ITGB4: variants seen among roughly 807,000 people sequenced by gnomAD.
The protein encoded by ITGB4 is integrin subunit beta 4.
A neutral mutation model predicts 207.6 loss-of-function variants in ITGB4; 159 were observed. That is an observed-to-expected ratio of 0.77 (90% CI 0.67 to 0.87). ITGB4 has a LOEUF of 0.87. ITGB4 is among the 40% of genes least tolerant of loss of function. The pLI, the probability that ITGB4 is intolerant of heterozygous loss-of-function variation, is 0.00. For missense variants in ITGB4, 2,278 were observed against 2,546.8 expected (o/e 0.89, Z 2.27); for synonymous variants, 1,020 against 1,062.7 (o/e 0.96, Z 0.78).
Position 75,729,166 on chromosome 17 carries a change from A to AG in ITGB4, c.567-99_567-98insG, listed in dbSNP as rs1294162888. ...AAAGCGAGACTTGGTCTCAAAAAAA[A>AG]AAAAAAAAATTCTCCTTCTAGTTGA... On this transcript the variant is annotated intron_variant, in intron 6 of 39. Coordinates refer to ENST00000200181, the MANE Select transcript of ITGB4 (RefSeq NM_000213.5). This position sits in a 1 kb window ranked among gnomAD's most constrained non-coding sequence, Gnocchi z 4.4. 2,897 of 1,222,492 alleles carry AG rather than the reference A, an allele frequency of 2.4e-3. 32 individuals are homozygous for AG. The highest frequency in any genetic ancestry group is 0.023 in the African/African-American group (1,465 of 64,978). The allele number at this position is 1,222,492 out of a possible 1,614,324, so 75.7% of individuals were successfully genotyped here. A position where few individuals can be genotyped will look rare whatever the true frequency, so the allele number is the denominator to read the frequency against.
chr17:75,749,039 G>A lies in ITGB4; in HGVS notation c.3310G>A (p.Asp1104Asn). ...QPHSTTIIIRDPDELDRSFTS... is the reference protein window; with the variant it reads ...QPHSTTIIIRNPDELDRSFTS... The stretch of plus-strand genomic sequence containing the variant: ...CCACTCCACCACCATCATCATCAGG[G>A]ACCCAGGTAGGCAGAGCCTGGGGGT... Residue 1104 changes from aspartate (D) to asparagine (N), a missense_variant, in exon 27 of 40, where the codon GAC becomes AAC. Asp to Asn is a conservative substitution (Grantham distance 23, BLOSUM62 1). Transcript: ENST00000200181. The A allele has an allele frequency of 6.2e-7, 1 of 1,610,320 alleles. No homozygotes were observed. Among genetic ancestry groups the A allele is most frequent in the East Asian group, 2.2e-5 (1 of 44,856 alleles).
Position 75,754,661 on chromosome 17 carries a change from C to T in ITGB4, c.4404C>T (p.Ala1468=). 1.9e-6 allele frequency: 3 copies of T among 1,613,986 alleles called. No homozygotes were observed. Among genetic ancestry groups the T allele is most frequent in the Non-Finnish European group, 2.5e-6 (3 of 1,179,980 alleles). Residue 1468 remains alanine (A), a synonymous_variant, in exon 34 of 40, where the codon GCC becomes GCT. Transcript: ENST00000200181. ...GGATGACCACGACCAGTGCTGCTGC[C>T]TATGGCACCCACCTGAGCCCACACG... ...LHRMTTTSAA[A]YGTHLSPHVP...
At position 75,757,092 on chromosome 17, in the gene ITGB4, G is replaced by C; in HGVS notation, c.5203G>C (p.Glu1735Gln). 6.2e-7 allele frequency: 1 copy of C among 1,612,978 alleles called. No individual in the cohort carries two copies. The part of the protein sequence containing the change: ...GPEREGIITI[E>Q]SQDGGPFPQL... ...AGAGCGCGAGGGCATCATCACCATA[G>C]AGTCCCAGGATGGAGGTAGGCACCT... The change falls in exon 38 of 40, where the codon GAG becomes CAG. Residue 1735 changes from glutamate to glutamine, a missense_variant. Coordinates refer to ENST00000200181, the MANE Select transcript of ITGB4 (RefSeq NM_000213.5).
Position 75,727,482 on chromosome 17 carries a change from G to A in ITGB4, c.241G>A (p.Glu81Lys). ...CCAGCGGGAGAGCATCGTGGTCATG[G>A]AGAGCAGCTTCCAAATCACAGAGGT... Reference protein sequence around the residue: ...GCQRESIVVMESSFQITEETQ... With the variant: ...GCQRESIVVMKSSFQITEETQ... The change falls in exon 4 of 40, where the codon GAG (glutamate) becomes AAG (lysine). Residue 81 changes from glutamate (E) to lysine (K), a missense_variant. Transcript: ENST00000200181. This position sits in a 1 kb window ranked among gnomAD's most constrained non-coding sequence, Gnocchi z 6.0. 6.2e-7 allele frequency: 1 copy of A among 1,613,918 alleles called. No homozygotes were observed. The highest frequency in any genetic ancestry group is 1.7e-5 in the Admixed American group (1 of 60,022).
Position 75,730,429 on chromosome 17 carries a change from C to T in ITGB4, c.927C>T (p.Thr309=). 1 of 1,614,084 alleles carries T rather than the reference C, an allele frequency of 6.2e-7. No homozygotes were observed. The highest frequency in any genetic ancestry group is 8.5e-7 in the Non-Finnish European group (1 of 1,180,036). The change falls in exon 8 of 40, where the codon ACC becomes ACT. Residue 309 remains threonine (T), a synonymous_variant. Coordinates refer to ENST00000200181, the MANE Select transcript of ITGB4 (RefSeq NM_000213.5). Reference sequence around the variant, plus strand: ...CACAGGACTACCCGTCGGTGCCCACCCTGGTGCGCCTGCTCGCCAAGCACA... The same window carrying T: ...CACAGGACTACCCGTCGGTGCCCACTCTGGTGCGCCTGCTCGCCAAGCACA... ...YRTQDYPSVP[T]LVRLLAKHNI... is the part of the protein sequence containing the mutation.
chr17:75,724,647 G>C, intron 1 of ITGB4, 47 bp from the exon 2 acceptor site: 1 of 1,384,668 alleles, frequency 7.2e-7, no homozygotes, highest in Non-Finnish European at 1.0e-6. Flanking sequence ...TGACGGCACC[G>C]ACCATGGCTG....
At position 75,737,450 on chromosome 17, in the gene ITGB4, C is replaced by T. The variant is rs1304161784; in HGVS notation, c.2113+6C>T. The T allele has an allele frequency of 6.4e-7, 1 of 1,553,612 alleles. No individual in the cohort carries two copies. Among genetic ancestry groups the T allele is most frequent in the Admixed American group, 2.0e-5 (1 of 51,134 alleles). On this transcript the variant is annotated splice_donor_region_variant and intron_variant, in intron 17 of 39. Coordinates refer to ENST00000200181, the MANE Select transcript of ITGB4 (RefSeq NM_000213.5). ...CCTGGTGCACAAGAAGAAGGGTGAG[C>T]TGGTGGGGCCGGGCGCAGGGAGGGG...
At chr17:75,749,495 A>G (rs2061316560) in intron 27 of ITGB4, among the ~76,000 whole-genome samples, 1 of 152,180 alleles carries the variant, frequency 6.6e-6, no homozygotes, top group Non-Finnish European at 1.5e-5. Flanking sequence ...ACCACTGCAC[A>G]GCACCTGGGC....
intron 26 of ITGB4, among the ~76,000 whole-genome samples, chr17:75,747,613 C>T (rs747601895): frequency 1.6e-4 from 25 of 152,180 alleles, no homozygotes; most frequent in Non-Finnish European, 3.2e-4. Flanking sequence ...ACTTTTGTCA[C>T]GTGTCTTGAC....
rs121912465 is a variant in ITGB4, at chr17:75,727,227, T to C, written c.112T>C (p.Cys38Arg). 1 of 1,614,058 alleles carries C rather than the reference T, an allele frequency of 6.2e-7. No individual in the cohort carries two copies. Among genetic ancestry groups the C allele is most frequent in the Non-Finnish European group, 8.5e-7 (1 of 1,179,984 alleles). ...CTGCAAGAAGGCCCCAGTGAAGAGC[T>C]GCACGGAGTGTGTCCGTGTGGATAA... ...NRCKKAPVKSCTECVRVDKDC... is the reference protein window; with the variant it reads ...NRCKKAPVKSRTECVRVDKDC... The change falls in exon 3 of 40, where the codon TGC (cysteine) becomes CGC (arginine). Residue 38 changes from cysteine (C) to arginine (R), a missense_variant. Physicochemically the swap from Cys to Arg is radical, Grantham distance 180. Transcript: ENST00000200181. The surrounding 1 kb of genome is among the most constrained non-coding windows in gnomAD (Gnocchi z 6.0).
chr17:75,730,552 C>T (rs1233047267), intron 8 of ITGB4, 48 bp downstream of exon 8: 1 of 1,605,442 alleles, frequency 6.2e-7, no homozygotes, highest in African/African-American at 1.3e-5. Flanking sequence ...GGTAGGGGGT[C>T]CATGGAGCTT....
chr17:75,750,040 G>A lies in ITGB4; in HGVS notation c.3317-71G>A. On this transcript the variant is annotated intron_variant, in intron 27 of 39. Coordinates refer to ENST00000200181, the MANE Select transcript of ITGB4 (RefSeq NM_000213.5). This position sits in a 1 kb window ranked among gnomAD's most constrained non-coding sequence, Gnocchi z 5.5. ...TGGGTAGAGCGCCCTGGGTGTTGAA[G>A]TGGGTCTCTGGCGCCCCCTGGTGGT... is the stretch of plus-strand genomic sequence containing the variant. The A allele has an allele frequency of 6.3e-7, 1 of 1,596,896 alleles. No homozygotes were observed. The highest frequency in any genetic ancestry group is 8.6e-7 in the Non-Finnish European group (1 of 1,165,440).
In ITGB4 at chr17:75,750,282, C is replaced by T; in HGVS notation, c.3474+14C>T. 1 of 1,602,356 alleles carries T rather than the reference C, an allele frequency of 6.2e-7. No homozygotes were observed. The highest frequency in any genetic ancestry group is 1.1e-5 in the South Asian group (1 of 90,202). On this transcript the variant is annotated intron_variant, in intron 28 of 39. Transcript: ENST00000200181. This position sits in a 1 kb window ranked among gnomAD's most constrained non-coding sequence, Gnocchi z 5.5. ...ATGGGGTACAGGGTAAGGCGGGGGGCTGAGGGTCACGACAGGTGGATGGGC... is the reference window on the plus strand; with the variant it reads ...ATGGGGTACAGGGTAAGGCGGGGGGTTGAGGGTCACGACAGGTGGATGGGC...
Position 75,753,891 on chromosome 17 carries a change from C to G in ITGB4, c.4235C>G (p.Ala1412Gly). ...AGCGGGCGCTCCTCCGACGCCGAGGCGCCCCACGGGCCCCCGGACGACGGC... is the reference window on the plus strand; with the variant it reads ...AGCGGGCGCTCCTCCGACGCCGAGGGGCCCCACGGGCCCCCGGACGACGGC... Reference protein sequence around the residue: ...ASSGRSSDAEAPHGPPDDGGA... With the variant: ...ASSGRSSDAEGPHGPPDDGGA... Residue 1412 changes from alanine to glycine, a missense_variant, in exon 33 of 40, where the codon GCG becomes GGG. Coordinates refer to ENST00000200181, the MANE Select transcript of ITGB4 (RefSeq NM_000213.5). 1 of 1,311,584 alleles carries G rather than the reference C, an allele frequency of 7.6e-7. No individual in the cohort carries two copies. Among genetic ancestry groups the G allele is most frequent in the Non-Finnish European group, 9.7e-7 (1 of 1,034,544 alleles). The allele number at this position is 1,311,584 out of a possible 1,614,324, so 81.2% of individuals were successfully genotyped here.
intron 34 of ITGB4, 61 bp downstream of exon 34, chr17:75,754,876 A>G (rs764094744): frequency 1.3e-4 from 209 of 1,610,266 alleles, no homozygotes; most frequent in Non-Finnish European, 1.7e-4. Context: ...CAGCTCCTGG[A>G]GCCTCGGGCT....
At chr17:75,726,231 A>G (rs1403538378) in intron 2 of ITGB4, among the ~76,000 whole-genome samples, 2 of 152,168 alleles carry the variant, frequency 1.3e-5, no homozygotes, top group East Asian at 3.9e-4. Flanking sequence ...AGGTGGGAGG[A>G]TCTCCTGAAC....
chr17:75,736,847 C>A, intron 16 of ITGB4, 153 bp downstream of exon 16: 1 of 858,298 alleles, frequency 1.2e-6, no homozygotes, highest in Non-Finnish European at 1.8e-6. Context: ...GACCACAGAA[C>A]CCAGATAGAG....
Position 75,754,572 on chromosome 17 carries a change from G to T in ITGB4, c.4319-4G>T. 1 of 1,613,572 alleles carries T rather than the reference G, an allele frequency of 6.2e-7. No individual in the cohort carries two copies. The highest frequency in any genetic ancestry group is 8.5e-7 in the Non-Finnish European group (1 of 1,179,960). The stretch of plus-strand genomic sequence containing the variant: ...GACCAAGGGACCCTGCTCTCCCCCT[G>T]CAGAGCACCTGGTGAATGGCCGGAT... On this transcript the variant is annotated splice_region_variant and splice_polypyrimidine_tract_variant and intron_variant, in intron 33 of 39. Coordinates refer to ENST00000200181, the MANE Select transcript of ITGB4 (RefSeq NM_000213.5).
rs2060636843 is a variant in ITGB4, at chr17:75,722,646, G to C, written c.-11+1034G>C. On this transcript the variant is annotated intron_variant, in intron 1 of 39. Coordinates refer to ENST00000200181, the MANE Select transcript of ITGB4 (RefSeq NM_000213.5). This position sits in a 1 kb window ranked among gnomAD's most constrained non-coding sequence, Gnocchi z 6.2. ...AGGGCCTGGGTCCCTGAGGGGAGGA[G>C]ATGTGACAGCGGGAGAGGATAGTGG... is the stretch of plus-strand genomic sequence containing the variant. 6.6e-6 allele frequency among the ~76,000 whole-genome samples: 1 copy of C among 152,150 alleles called. No homozygotes were observed. The highest frequency in any genetic ancestry group is 1.5e-5 in the Non-Finnish European group (1 of 68,022).
Sources: allele counts gnomAD v4.1 joint callset (sites outside exome capture counted in the v4.1 genomes callset), GRCh38; gene constraint gnomAD v4.1.1; non-coding constraint Gnocchi (gnomAD v3.1); transcripts MANE v1.5; gene names NCBI Gene and HGNC (gene_info 2026-07-23, HGNC 2026-07-21).